Variants in PARVA observed in about 807,000 individuals in gnomAD.
PARVA encodes the protein parvin alpha, also known as alpha-parvin.
Under a neutral mutation model 52.6 loss-of-function variants are expected in PARVA, and 25 were observed. The observed-to-expected ratio is 0.48, with a 90% CI of 0.35 to 0.66. PARVA has a LOEUF of 0.66. PARVA is among the 30% of genes least tolerant of loss of function. The probability of loss-of-function intolerance (pLI) is 0.01; values close to 1 mark genes in which losing one functional copy is unlikely to be tolerated. For missense variants in PARVA, 373 were observed against 450.9 expected (o/e 0.83, Z 1.56); for synonymous variants, 185 against 179.1 (o/e 1.03, Z -0.26).
chr11:12,391,236 G>A (rs182135755), intron 1 of PARVA, among the ~76,000 whole-genome samples: 6 of 152,244 alleles, frequency 3.9e-5, no homozygotes, highest in Non-Finnish European at 8.8e-5. Context: ...GGGACCTGAC[G>A]CTTCAATAAA....
At chr11:12,471,177 G>A (rs1940928151) in intron 1 of PARVA, among the ~76,000 whole-genome samples, 2 of 152,200 alleles carry the variant, frequency 1.3e-5, no homozygotes, top group Non-Finnish European at 2.9e-5. Context: ...TGCTGGTATG[G>A]TGGGTATGAG....
intron 4 of PARVA, chr11:12,480,742 A>G (rs1292973556): frequency 6.7e-6 from 1 of 148,210 alleles, no homozygotes; most frequent in Non-Finnish European, 1.5e-5. Flanking sequence ...CAAAGGTCTG[A>G]GGCAGGGCAT....
At chr11:12,444,553 G>T (rs1053357391) in intron 1 of PARVA, among the ~76,000 whole-genome samples, 9 of 151,930 alleles carry the variant, frequency 5.9e-5, no homozygotes, top group African/African-American at 2.2e-4. Flanking sequence ...CAAGTGATCT[G>T]CTCACCTCAG....
chr11:12,473,991 G>A lies in PARVA; in HGVS notation c.297+8G>A. Reference sequence around the variant, plus strand: ...CTTCAAGAACTGATGAAGGTAAGAAGAAATCAGGAGCGGCTTCAGGTGCCT... The same window carrying A: ...CTTCAAGAACTGATGAAGGTAAGAAAAAATCAGGAGCGGCTTCAGGTGCCT... On this transcript the variant is annotated splice_region_variant and intron_variant, in intron 3 of 12. Transcript: ENST00000334956. 6.4e-7 allele frequency: 1 copy of A among 1,566,030 alleles called. No homozygotes were observed. The highest frequency in any genetic ancestry group is 2.4e-5 in the East Asian group (1 of 42,010).
At chr11:12,527,807 T>C in intron 12 of PARVA, 42 bp from the exon 13 acceptor site, 1 of 1,462,102 alleles carries the variant, frequency 6.8e-7, no homozygotes, top group Non-Finnish European at 9.6e-7. Context: ...TTGGAACATG[T>C]GGCCCCATGG....
At chr11:12,513,576 G>C (rs185798288) in intron 9 of PARVA, 2 of 686,610 alleles carry the variant, frequency 2.9e-6, no homozygotes, top group Non-Finnish European at 5.4e-6. Context: ...TGAACAGCCT[G>C]TCTTCCCACC....
At chr11:12,457,930 C>A (rs1940719860) in intron 1 of PARVA, among the ~76,000 whole-genome samples, 2 of 152,254 alleles carry the variant, frequency 1.3e-5, no homozygotes, top group Non-Finnish European at 2.9e-5. Flanking sequence ...TAGGGGTGCT[C>A]CTTCACCACT....
intron 4 of PARVA, among the ~76,000 whole-genome samples, chr11:12,488,326 A>C (rs1941188443): frequency 6.6e-6 from 1 of 152,234 alleles, no homozygotes; most frequent in African/African-American, 2.4e-5. Flanking sequence ...CATGCTTTAA[A>C]AATCTGGATA....
At chr11:12,454,935 C>T (rs1940676295) in intron 1 of PARVA, among the ~76,000 whole-genome samples, 2 of 152,168 alleles carry the variant, frequency 1.3e-5, no homozygotes, top group Admixed American at 6.5e-5. Context: ...ACATGCCCAA[C>T]TTATTATTTA....
At chr11:12,478,768 A>G (rs976035527) in intron 4 of PARVA, 8 of 152,430 alleles carry the variant, frequency 5.2e-5, no homozygotes, top group African/African-American at 1.9e-4. Flanking sequence ...ACTTCTCTGA[A>G]CTATTGAAAA....
chr11:12,473,783 C>T lies in PARVA; in HGVS notation c.175C>T (p.Leu59=), dbSNP rs770968884. The change falls in exon 2 of 13, where the codon CTG becomes TTG. Residue 59 remains leucine, a synonymous_variant. Coordinates refer to ENST00000334956, the MANE Select transcript of PARVA (RefSeq NM_018222.5). ...GGAGGAGGGAATGAACGCCATCAAC[C>T]TGCCCCTCAGCCCAATTCCCTTTGA... is the stretch of plus-strand genomic sequence containing the variant. The part of the protein sequence containing the change: ...LQEEGMNAIN[L]PLSPIPFELD... 1 of 1,570,592 alleles carries T rather than the reference C, an allele frequency of 6.4e-7. No individual in the cohort carries two copies. Among genetic ancestry groups the T allele is most frequent in the South Asian group, 1.2e-5 (1 of 85,220 alleles).
intron 6 of PARVA, among the ~76,000 whole-genome samples, chr11:12,507,817 T>G (rs1941451103): frequency 6.6e-6 from 1 of 152,146 alleles, no homozygotes; most frequent in Non-Finnish European, 1.5e-5. Context: ...GTCTACTTCT[T>G]CTATCCCGAT....
At position 12,530,659 on chromosome 11, in the gene PARVA, T is replaced by G. The variant is rs1057421669; in HGVS notation, c.*2734T>G. 1 of 152,168 alleles carries G rather than the reference T, an allele frequency of 6.6e-6. No homozygotes were observed. The highest frequency in any genetic ancestry group is 1.5e-5 in the Non-Finnish European group (1 of 68,032). The allele number at this position is 152,168 out of a possible 1,614,324, so 9.4% of individuals were successfully genotyped here. On this transcript the variant is annotated 3_prime_UTR_variant, in exon 13 of 13. Transcript: ENST00000334956. ...GGCATGTAAAGCACAAACATACATA[T>G]AAAATCTGCGGGCTTCAAAAAATAT... is the stretch of plus-strand genomic sequence containing the variant.
chr11:12,430,043 A>G lies in PARVA; in HGVS notation c.137-43702A>G, dbSNP rs140467848. Reference sequence around the variant, plus strand: ...TTTAAGTTTAATCTGCATCATTGACATTCCTTCATCATTTTCTTAAGTCTA... The same window carrying G: ...TTTAAGTTTAATCTGCATCATTGACGTTCCTTCATCATTTTCTTAAGTCTA... On this transcript the variant is annotated intron_variant, in intron 1 of 12. Transcript: ENST00000334956. 3.3e-4 allele frequency among the ~76,000 whole-genome samples: 51 copies of G among 152,286 alleles called. No homozygotes were observed. In the East Asian group the frequency reaches 8.5e-3, roughly 25 times the overall value.
chr11:12,478,067 A>T (rs1359707561), intron 4 of PARVA, 118 bp downstream of exon 4: 1 of 759,868 alleles, frequency 1.3e-6, no homozygotes, highest in Non-Finnish European at 2.4e-6. Flanking sequence ...ATGGATTACA[A>T]ATGTGTGGAG....
At chr11:12,465,070 A>C (rs1164982412) in intron 1 of PARVA, among the ~76,000 whole-genome samples, 2 of 152,206 alleles carry the variant, frequency 1.3e-5, no homozygotes, top group Non-Finnish European at 2.9e-5. Context: ...GAGCTCAGGT[A>C]GTAATACTCA....
At position 12,511,226 on chromosome 11, in the gene PARVA, C is replaced by T. The variant is rs1941498345; in HGVS notation, c.717-288C>T. 2.0e-5 allele frequency among the ~76,000 whole-genome samples: 3 copies of T among 152,110 alleles called. 1 individual carries two copies. In the South Asian group the frequency reaches 6.2e-4, roughly 32 times the overall value. On this transcript the variant is annotated intron_variant, in intron 7 of 12. Coordinates refer to ENST00000334956, the MANE Select transcript of PARVA (RefSeq NM_018222.5). ...GGCAATAATATGACTTTATTTAAGG[C>T]AAAAAGTGATCCTTTAGGCATCACT... is the stretch of plus-strand genomic sequence containing the variant.
chr11:12,392,266 C>CTTT (rs113647098), intron 1 of PARVA, among the ~76,000 whole-genome samples: 123 of 136,192 alleles, frequency 9.0e-4, no homozygotes, highest in African/African-American at 3.3e-3. Flanking sequence ...TACTTCATTC[C>CTTT]TTTTTTTTTT....
chr11:12,409,063 C>T (rs562884194), intron 1 of PARVA, among the ~76,000 whole-genome samples: 2 of 152,310 alleles, frequency 1.3e-5, no homozygotes, highest in South Asian at 2.1e-4. Flanking sequence ...GTAGGTCCCA[C>T]AGGGCCTTGC....
Sources: allele counts gnomAD v4.1 joint callset (sites outside exome capture counted in the v4.1 genomes callset), GRCh38; gene constraint gnomAD v4.1.1; transcripts MANE v1.5; gene names NCBI Gene and HGNC (gene_info 2026-07-23, HGNC 2026-07-21).